The following IMPA1 variants were observed in gnomAD, a reference collection of about 807,000 sequenced individuals.
IMPA1 encodes inositol monophosphatase 1, also known as D-galactose 1-phosphate phosphatase.
A neutral mutation model predicts 34.9 loss-of-function variants in IMPA1; 21 were observed. The ratio of observed to expected loss-of-function variants is 0.60; its 90% CI spans 0.43 to 0.87. The LOEUF (loss-of-function observed/expected upper bound fraction) is 0.87. IMPA1 is among the 40% of genes least tolerant of loss of function. The pLI is 0.00. For missense variants in IMPA1, 299 were observed against 336.4 expected, an observed-to-expected ratio of 0.89 and a Z score of 0.87; for synonymous variants, 95 against 104.4, an observed-to-expected ratio of 0.91 and a Z score of 0.55.
chr8:81,682,934 G>T (rs1157955857), intron 1 of IMPA1, among the ~76,000 whole-genome samples: 1 of 152,162 alleles, frequency 6.6e-6, no homozygotes, highest in Admixed American at 6.5e-5. Context: ...TCTAGGAGGG[G>T]ACTCAATATC....
At chr8:81,685,000 C>T (rs1464262183) in intron 1 of IMPA1, among the ~76,000 whole-genome samples, 2 of 129,252 alleles carry the variant, frequency 1.5e-5, no homozygotes, top group Admixed American at 8.2e-5. Flanking sequence ...TATTTAGATA[C>T]TATATATACT....
At chr8:81,683,428 G>A (rs1807359588) in intron 1 of IMPA1, among the ~76,000 whole-genome samples, 1 of 152,174 alleles carries the variant, frequency 6.6e-6, no homozygotes, top group Non-Finnish European at 1.5e-5. Context: ...GAAGTTAAGA[G>A]AGTCAGAGAT....
intron 6 of IMPA1, among the ~76,000 whole-genome samples, chr8:81,673,284 G>T (rs141883225): frequency 6.6e-6 from 1 of 152,166 alleles, no homozygotes; most frequent in Non-Finnish European, 1.5e-5. Flanking sequence ...CAGATTCACT[G>T]AGCCAGACTC....
intron 3 of IMPA1, 97 bp from the exon 4 acceptor site, chr8:81,679,327 T>C (rs117522371): frequency 0.012 from 9,733 of 841,154 alleles, 145 homozygotes; most frequent in Admixed American, 0.045. Flanking sequence ...CTATAAAACA[T>C]AGCAGGCGAG....
chr8:81,678,544 T>G (rs1807196454), intron 4 of IMPA1: 1 of 163,082 alleles, frequency 6.1e-6, no homozygotes, highest in Non-Finnish European at 1.3e-5. Flanking sequence ...ATACAAAAAT[T>G]AGTCGGGTGT....
chr8:81,671,185 T>C, intron 6 of IMPA1, 138 bp from the exon 7 acceptor site: 1 of 476,388 alleles, frequency 2.1e-6, no homozygotes, highest in East Asian at 3.6e-5. Context: ...AAAATACTGA[T>C]AAATTAATTA....
Position 81,686,307 on chromosome 8 carries a change from T to A in IMPA1, c.-80A>T. The A allele has an allele frequency of 2.0e-6, 2 of 988,250 alleles. No homozygotes were observed. Among genetic ancestry groups the A allele is most frequent in the Non-Finnish European group, 2.4e-6 (2 of 831,692 alleles). The allele number at this position is 988,250 out of a possible 1,614,324, so 61.2% of individuals were successfully genotyped here. A position where few individuals can be genotyped will look rare whatever the true frequency, so the allele number is the denominator to read the frequency against. On this transcript the variant is annotated 5_prime_UTR_variant, in exon 1 of 9. The change creates a new upstream start codon in the 5' untranslated region. Transcript: ENST00000256108. ...TGAACGGTGTTACCGCACTCGTCTC[T>A]TCCGGAGGTAGAGGGGCTACTCGCA...
At chr8:81,677,459 T>C (rs2300490) in intron 4 of IMPA1, among the ~76,000 whole-genome samples, 11,587 of 152,210 alleles carry the variant, frequency 0.076, 596 homozygotes, top group East Asian at 0.14. Flanking sequence ...ACAAAATAAA[T>C]GGCTGTTACT....
At chr8:81,664,701 G>A (rs904098961) in intron 7 of IMPA1, among the ~76,000 whole-genome samples, 3 of 151,968 alleles carry the variant, frequency 2.0e-5, no homozygotes, top group Admixed American at 2.0e-4. Flanking sequence ...AACAAGTGAA[G>A]GAAAAGTAGG....
chr8:81,672,727 C>T (rs1036972561), intron 6 of IMPA1, among the ~76,000 whole-genome samples: 2 of 152,078 alleles, frequency 1.3e-5, no homozygotes, highest in Non-Finnish European at 2.9e-5. Context: ...TTTTTTGAGG[C>T]CAACAGATGT....
intron 7 of IMPA1, among the ~76,000 whole-genome samples, chr8:81,669,893 T>C (rs1431972007): frequency 1.3e-5 from 2 of 152,166 alleles, no homozygotes; most frequent in African/African-American, 2.4e-5. Flanking sequence ...CATGGGTTAA[T>C]AGATTAATGA....
Position 81,658,044 on chromosome 8 carries a change from T to G in IMPA1, c.*1307A>C, listed in dbSNP as rs913823952. ...AGAATACAGTATCAGATGTTTTAAG[T>G]ACATGTGATCAACAGTACAAATAAT... is the stretch of plus-strand genomic sequence containing the variant. On this transcript the variant is annotated 3_prime_UTR_variant, in exon 9 of 9. Transcript: ENST00000256108. The G allele has an allele frequency of 2.6e-5, 4 of 152,248 alleles. No homozygotes were observed. Among genetic ancestry groups the G allele is most frequent in the Non-Finnish European group, 5.9e-5 (4 of 68,042 alleles). The allele number at this position is 152,248 out of a possible 1,614,324, so 9.4% of individuals were successfully genotyped here.
intron 8 of IMPA1, among the ~76,000 whole-genome samples, chr8:81,659,931 T>C (rs1275946603): frequency 2.0e-5 from 3 of 152,316 alleles, no homozygotes; most frequent in South Asian, 4.1e-4. Context: ...CAGAAAGTGA[T>C]GGTGGAGGAA....
intron 1 of IMPA1, among the ~76,000 whole-genome samples, chr8:81,683,915 C>G (rs1212192746): frequency 1.3e-5 from 2 of 152,130 alleles, no homozygotes; most frequent in Non-Finnish European, 2.9e-5. Context: ...CTTGGCCTCT[C>G]TGTCCAGCAT....
chr8:81,680,629 G>A (rs1378013196), intron 3 of IMPA1, 21 bp downstream of exon 3: 1 of 1,558,088 alleles, frequency 6.4e-7, no homozygotes, highest in East Asian at 2.2e-5. Context: ...AACATTTCTT[G>A]TACACAGTAA....
intron 4 of IMPA1, chr8:81,678,763 T>C (rs1807205431): frequency 4.8e-6 from 1 of 209,652 alleles, no homozygotes; most frequent in Non-Finnish European, 9.9e-6. Context: ...TATAGATCTA[T>C]GGTACATGCC....
chr8:81,670,133 A>C (rs77290701), intron 7 of IMPA1, among the ~76,000 whole-genome samples: 1,526 of 152,364 alleles, frequency 0.01, 6 homozygotes, highest in Non-Finnish European at 0.017. Context: ...TTCAGGTATT[A>C]TAAGCAACAG....
At chr8:81,667,357 A>C (rs575754885) in intron 7 of IMPA1, among the ~76,000 whole-genome samples, 4 of 152,172 alleles carry the variant, frequency 2.6e-5, no homozygotes, top group Non-Finnish European at 5.9e-5. Flanking sequence ...CTATGGTTGA[A>C]TGTTTGTCCC....
intron 7 of IMPA1, among the ~76,000 whole-genome samples, chr8:81,668,799 A>AT (rs1351461861): frequency 6.6e-6 from 1 of 152,126 alleles, no homozygotes; most frequent in Admixed American, 6.5e-5. Flanking sequence ...ACCCGAAGGC[A>AT]TTTAAGAGAT....
Sources: allele counts gnomAD v4.1 joint callset (sites outside exome capture counted in the v4.1 genomes callset), GRCh38; gene constraint gnomAD v4.1.1; transcripts MANE v1.5; gene names NCBI Gene and HGNC (gene_info 2026-07-23, HGNC 2026-07-21).